The following CAPRIN1 variants were observed in gnomAD, a reference collection of about 807,000 sequenced individuals.
CAPRIN1 encodes cell cycle associated protein 1, also known as caprin-1.
In CAPRIN1, 29 loss-of-function variants were observed where a neutral mutation model predicts 100.9. The observed-to-expected ratio is 0.29, with a 90% CI of 0.21 to 0.39. The LOEUF (loss-of-function observed/expected upper bound fraction) is 0.39. CAPRIN1 is among the 10% of genes least tolerant of loss of function. The pLI is 1.00. For synonymous variants in CAPRIN1, 338 were observed against 307.5 expected (o/e 1.10, Z -1.04); for missense variants, 795 against 876.7 (o/e 0.91, Z 1.18).
At chr11:34,088,054 GTGGCGCATTCTTGGC>G (rs1276923632) in intron 11 of CAPRIN1, among the ~76,000 whole-genome samples, 1 of 152,186 alleles carries the variant, frequency 6.6e-6, no homozygotes, top group Non-Finnish European at 1.5e-5. Context: ...CTGGAGTGCA[GTGGCGCATTCTTGGC>G]TCGGCACGCT....
intron 18 of CAPRIN1, 188 bp from the exon 19 acceptor site, chr11:34,099,115 A>G: frequency 7.0e-7 from 1 of 1,433,554 alleles, no homozygotes; most frequent in African/African-American, 1.4e-5. Flanking sequence ...TAGCTAAGAG[A>G]ACATGAGCAA....
rs140882290 is a variant in CAPRIN1 at position 34,082,846 on chromosome 11, A to G, written c.848A>G (p.Tyr283Cys). 2.7e-5 allele frequency: 43 copies of G among 1,613,800 alleles called. No homozygotes were observed. The highest frequency in any genetic ancestry group is 3.6e-5 in the Non-Finnish European group (43 of 1,179,972). The change falls in exon 8 of 19, where the codon TAC becomes TGC. Residue 283 changes from tyrosine to cysteine, a missense_variant. Tyr to Cys is a radical substitution (Grantham distance 194). Coordinates refer to ENST00000341394, the MANE Select transcript of CAPRIN1 (RefSeq NM_005898.5). ...PEAEPEPAEEYTEQSEVESTE... is the reference protein window; with the variant it reads ...PEAEPEPAEECTEQSEVESTE... ...TTAGAACCTGAGCCAGCAGAAGAGT[A>G]CACTGAGCAAAGTGAAGTTGAATCA...
chr11:34,069,979 A>G (rs1353149860), intron 2 of CAPRIN1, among the ~76,000 whole-genome samples: 1 of 151,966 alleles, frequency 6.6e-6, no homozygotes, highest in African/African-American at 2.4e-5. Flanking sequence ...TGGTTTCTGA[A>G]TGCCCTTTAT....
Position 34,090,200 on chromosome 11 carries a change from A to T in CAPRIN1, c.1315A>T (p.Ser439Cys). 6.2e-7 allele frequency: 1 copy of T among 1,612,680 alleles called. No individual in the cohort carries two copies. The highest frequency in any genetic ancestry group is 1.3e-5 in the African/African-American group (1 of 74,980). The stretch of plus-strand genomic sequence containing the variant: ...CTAGGTTCCTTTGGTATCATCCACA[A>T]GTGAGGGGTACACAGCATCTCAACC... The part of the protein sequence containing the change: ...ATQVPLVSST[S>C]EGYTASQPLY... The change falls in exon 13 of 19, where the codon AGT becomes TGT. Residue 439 changes from serine (S) to cysteine (C), a missense_variant. Around this residue, in one of 3 missense-constraint regions of CAPRIN1, gnomAD observed 648 missense variants for 697.9 expected, o/e 0.93. Coordinates refer to ENST00000341394, the MANE Select transcript of CAPRIN1 (RefSeq NM_005898.5).
chr11:34,067,460 T>C (rs12787264), intron 2 of CAPRIN1, among the ~76,000 whole-genome samples: 2 of 152,116 alleles, frequency 1.3e-5, no homozygotes, highest in East Asian at 1.9e-4. Flanking sequence ...TCAGAATAAA[T>C]AGGCATGTGA....
At chr11:34,067,449 A>C (rs1325790244) in intron 2 of CAPRIN1, among the ~76,000 whole-genome samples, 1 of 152,150 alleles carries the variant, frequency 6.6e-6, no homozygotes, top group Non-Finnish European at 1.5e-5. Flanking sequence ...GTAATACTAA[A>C]TCAGAATAAA....
intron 9 of CAPRIN1, among the ~76,000 whole-genome samples, chr11:34,085,104 A>G (rs554064882): frequency 1.7e-4 from 26 of 152,310 alleles, no homozygotes; most frequent in African/African-American, 6.0e-4. Flanking sequence ...CCTAGTTTCA[A>G]CCAGTATGAC....
intron 2 of CAPRIN1, 138 bp downstream of exon 2, chr11:34,052,774 C>T: frequency 7.1e-7 from 1 of 1,412,994 alleles, no homozygotes; most frequent in South Asian, 1.4e-5. Flanking sequence ...CTGGCCCACA[C>T]GCCCCGTCTC....
intron 2 of CAPRIN1, among the ~76,000 whole-genome samples, chr11:34,069,870 A>G (rs1459735385): frequency 2.0e-5 from 3 of 151,086 alleles, no homozygotes; most frequent in Non-Finnish European, 4.4e-5. Context: ...GCAAGTTGAC[A>G]TTTGTTTATG....
At chr11:34,085,022 T>C (rs1851111199) in intron 9 of CAPRIN1, among the ~76,000 whole-genome samples, 1 of 152,108 alleles carries the variant, frequency 6.6e-6, no homozygotes, top group Non-Finnish European at 1.5e-5. Context: ...AAGTTGGTAT[T>C]ACACAGATTG....
intron 14 of CAPRIN1, among the ~76,000 whole-genome samples, chr11:34,091,200 ATATGT>A (rs1476196280): frequency 6.6e-6 from 1 of 152,262 alleles, no homozygotes; most frequent in African/African-American, 2.4e-5. Flanking sequence ...CTTTTGATTA[ATATGT>A]TAATAAAAAT....
chr11:34,087,323 T>G lies in CAPRIN1; in HGVS notation c.1231+910T>G, dbSNP rs184777723. On this transcript the variant is annotated intron_variant, in intron 11 of 18. Transcript: ENST00000341394. Reference sequence around the variant, plus strand: ...TTCTGAAGTAAAGGGAGCTCATATCTCTCACATTTTTTTTTTTTTTTTTTT... The same window carrying G: ...TTCTGAAGTAAAGGGAGCTCATATCGCTCACATTTTTTTTTTTTTTTTTTT... 3.7e-5 allele frequency among the ~76,000 whole-genome samples: 5 copies of G among 135,558 alleles called. No homozygotes were observed. In the East Asian group the frequency reaches 1.0e-3, roughly 28 times the overall value. 88.9% of individuals were successfully genotyped at this position (135,558 alleles called of 152,430 possible).
At chr11:34,071,840 C>A (rs368823439) in intron 3 of CAPRIN1, 52 bp downstream of exon 3, 2 of 1,585,692 alleles carry the variant, frequency 1.3e-6, no homozygotes, top group Admixed American at 3.4e-5. Flanking sequence ...ATTTTAAAGA[C>A]AAAAATTAAT....
intron 2 of CAPRIN1, among the ~76,000 whole-genome samples, chr11:34,055,014 G>A (rs1323542080): frequency 1.3e-5 from 2 of 151,948 alleles, no homozygotes; most frequent in Non-Finnish European, 1.5e-5. Flanking sequence ...AGAATCTAGT[G>A]TTCAAGTACT....
In CAPRIN1 at chr11:34,099,001, G is replaced by A. The variant is rs1315929375; in HGVS notation, c.2066-302G>A. 1.6e-5 allele frequency: 20 copies of A among 1,238,282 alleles called. No homozygotes were observed. In the East Asian group the frequency reaches 2.3e-4, roughly 14 times the overall value. 76.7% of individuals were successfully genotyped at this position (1,238,282 alleles called of 1,614,324 possible). A position where few individuals can be genotyped will look rare whatever the true frequency, so the allele number is the denominator to read the frequency against. Reference sequence around the variant, plus strand: ...CTTCTCTGCTGTATCTATTCCCAACGCTTGATGATGGTGCCTGGCACATAG... The same window carrying A: ...CTTCTCTGCTGTATCTATTCCCAACACTTGATGATGGTGCCTGGCACATAG... On this transcript the variant is annotated intron_variant, in intron 18 of 18. Coordinates refer to ENST00000341394, the MANE Select transcript of CAPRIN1 (RefSeq NM_005898.5).
At chr11:34,098,330 C>A (rs929580081) in intron 18 of CAPRIN1, 28 of 984,280 alleles carry the variant, frequency 2.8e-5, no homozygotes, top group Admixed American at 6.2e-5. Flanking sequence ...CTCCCAAATT[C>A]CTAACTTATT....
intron 14 of CAPRIN1, 65 bp from the exon 15 acceptor site, chr11:34,091,841 G>C (rs1257009128): frequency 6.9e-7 from 1 of 1,454,888 alleles, no homozygotes; most frequent in Non-Finnish European, 9.4e-7. Context: ...CCACCATTGA[G>C]TTTGGCCATG....
intron 15 of CAPRIN1, among the ~76,000 whole-genome samples, chr11:34,093,300 T>C (rs1271793093): frequency 1.3e-5 from 2 of 151,962 alleles, no homozygotes; most frequent in Non-Finnish European, 2.9e-5. Context: ...TCAAATCCTG[T>C]ACTGGAGCCT....
rs73497025 is a variant in CAPRIN1 at position 34,052,864 on chromosome 11, A to G, written c.216+228A>G. On this transcript the variant is annotated intron_variant, in intron 2 of 18. Coordinates refer to ENST00000341394, the MANE Select transcript of CAPRIN1 (RefSeq NM_005898.5). ...TCACCTGACTCGGACGCGGCACTGTACCCCAGGCCTCTTTATTACTCTTCC... is the reference window on the plus strand; with the variant it reads ...TCACCTGACTCGGACGCGGCACTGTGCCCCAGGCCTCTTTATTACTCTTCC... 10 of 1,417,414 alleles carry G rather than the reference A, an allele frequency of 7.1e-6. No individual in the cohort carries two copies. The South Asian group carries it at 1.5e-4, about 22-fold the overall frequency. The allele number at this position is 1,417,414 out of a possible 1,614,324, so 87.8% of individuals were successfully genotyped here.
Sources: gnomAD v4.1 joint callset for allele counts (sites outside exome capture counted in the v4.1 genomes callset) on GRCh38, gnomAD v4.1.1 for gene constraint, gnomAD v4.1.1 regional missense constraint, MANE v1.5 for transcripts, NCBI Gene and HGNC (gene_info 2026-07-23, HGNC 2026-07-21) for gene names.